Variants in SUCLG2 observed in about 807,000 individuals in gnomAD.
The protein encoded by SUCLG2 is succinate-CoA ligase GDP-forming subunit beta.
Under a neutral mutation model 47.9 loss-of-function variants are expected in SUCLG2, and 42 were observed. The ratio of observed to expected loss-of-function variants is 0.88; its 90% CI spans 0.69 to 1.14. The LOEUF (loss-of-function observed/expected upper bound fraction) is 1.14. SUCLG2 is among the 50% of genes most tolerant of loss of function. The pLI, the probability that SUCLG2 is intolerant of heterozygous loss-of-function variation, is 0.00. For missense variants in SUCLG2, 571 were observed against 525.9 expected (o/e 1.09, Z -0.84); for synonymous variants, 195 against 197.3 (o/e 0.99, Z 0.10).
intron 2 of SUCLG2, among the ~76,000 whole-genome samples, chr3:67,540,745 C>T (rs1283296401): frequency 6.6e-6 from 1 of 152,228 alleles, no homozygotes; most frequent in Non-Finnish European, 1.5e-5. Flanking sequence ...CCTGTGCCCC[C>T]TTACTGGGAG....
intron 2 of SUCLG2, among the ~76,000 whole-genome samples, chr3:67,598,806 C>A (rs1000884828): frequency 1.3e-5 from 2 of 152,162 alleles, no homozygotes; most frequent in Admixed American, 1.3e-4. Context: ...CCCACCAAAC[C>A]CATGAGTAGA....
intron 2 of SUCLG2, among the ~76,000 whole-genome samples, chr3:67,565,250 T>C (rs923717288): frequency 3.9e-5 from 6 of 152,176 alleles, no homozygotes; most frequent in African/African-American, 1.4e-4. Context: ...TCATAAACTA[T>C]TTGATTTAGT....
At chr3:67,419,732 T>A (rs1195205827) in intron 9 of SUCLG2, among the ~76,000 whole-genome samples, 1 of 152,126 alleles carries the variant, frequency 6.6e-6, no homozygotes, top group Non-Finnish European at 1.5e-5. Flanking sequence ...CTATTATGAT[T>A]TACAATGATT....
At chr3:67,461,806 A>C (rs1704344359) in intron 9 of SUCLG2, among the ~76,000 whole-genome samples, 1 of 152,090 alleles carries the variant, frequency 6.6e-6, no homozygotes, top group South Asian at 2.1e-4. Context: ...GATCTGGTCC[A>C]TCCCGCCCCA....
intron 10 of SUCLG2, among the ~76,000 whole-genome samples, chr3:67,398,533 G>C (rs1702605268): frequency 6.6e-6 from 1 of 151,912 alleles, no homozygotes; most frequent in Non-Finnish European, 1.5e-5. Context: ...AGGTGCTGGA[G>C]AGGATGTGGA....
chr3:67,419,395 A>C (rs1703103986), intron 9 of SUCLG2, among the ~76,000 whole-genome samples: 1 of 152,170 alleles, frequency 6.6e-6, no homozygotes, highest in Non-Finnish European at 1.5e-5. Flanking sequence ...TGGCTTACAA[A>C]CTACAGTGAA....
At chr3:67,529,980 A>G (rs1308527626) in intron 2 of SUCLG2, among the ~76,000 whole-genome samples, 1 of 152,232 alleles carries the variant, frequency 6.6e-6, no homozygotes, top group African/African-American at 2.4e-5. Flanking sequence ...CACCAAAACA[A>G]AACAAAACAA....
In SUCLG2 at chr3:67,438,854, AG is replaced by A. The variant is rs1341853651; in HGVS notation, c.1063-38004del. ...TCCTTCTGAAACTATTGCAAACAAT[AG>A]AAAAAGAGGGACTCCTCCCTAACTC... is the stretch of plus-strand genomic sequence containing the variant. On this transcript the variant is annotated intron_variant, in intron 9 of 10. Transcript: ENST00000307227. Among the ~76,000 whole-genome samples the A allele has an allele frequency of 2.0e-5, 3 of 152,226 alleles. 1 individual carries two copies. The highest frequency in any genetic ancestry group is 4.4e-5 in the Non-Finnish European group (3 of 68,034).
chr3:67,421,351 T>C (rs966640089), intron 9 of SUCLG2, among the ~76,000 whole-genome samples: 1 of 152,160 alleles, frequency 6.6e-6, no homozygotes, highest in Non-Finnish European at 1.5e-5. Context: ...CCTTTTTATA[T>C]TTCCCAAAAC....
intron 7 of SUCLG2, among the ~76,000 whole-genome samples, chr3:67,500,774 A>C (rs1559549298): frequency 6.6e-6 from 1 of 152,234 alleles, no homozygotes. Flanking sequence ...GAATGGGCTA[A>C]GGTTATCAAA....
intron 9 of SUCLG2, among the ~76,000 whole-genome samples, chr3:67,471,776 T>G (rs1704611687): frequency 6.6e-6 from 1 of 152,142 alleles, no homozygotes; most frequent in Non-Finnish European, 1.5e-5. Flanking sequence ...TCTGGATCTC[T>G]TAACCAAACC....
intron 6 of SUCLG2, among the ~76,000 whole-genome samples, chr3:67,514,777 A>G (rs768512500): frequency 2.0e-5 from 3 of 152,208 alleles, no homozygotes; most frequent in Non-Finnish European, 2.9e-5. Context: ...ACACAGCACT[A>G]AAGTCACTGA....
intron 1 of SUCLG2, among the ~76,000 whole-genome samples, chr3:67,620,561 G>T (rs1700716703): frequency 1.6e-5 from 2 of 125,618 alleles, no homozygotes; most frequent in Non-Finnish European, 3.2e-5. Flanking sequence ...CTCCAGCCTG[G>T]GTGACACAGT....
chr3:67,588,282 C>T (rs780350869), intron 2 of SUCLG2, among the ~76,000 whole-genome samples: 3 of 152,140 alleles, frequency 2.0e-5, no homozygotes, highest in Non-Finnish European at 4.4e-5. Flanking sequence ...AAGTCCTTTG[C>T]TATCAAAAAA....
At chr3:67,593,510 T>A (rs1045688547) in intron 2 of SUCLG2, among the ~76,000 whole-genome samples, 3 of 152,150 alleles carry the variant, frequency 2.0e-5, no homozygotes, top group Non-Finnish European at 4.4e-5. Flanking sequence ...GAGCTGTCCA[T>A]CCAAAACACA....
intron 1 of SUCLG2, among the ~76,000 whole-genome samples, chr3:67,649,032 C>T (rs1035774417): frequency 1.3e-5 from 2 of 152,128 alleles, no homozygotes; most frequent in African/African-American, 4.8e-5. Context: ...AAGAACAAAG[C>T]AGATAAGGGT....
At chr3:67,471,978 G>A (rs985111304) in intron 9 of SUCLG2, among the ~76,000 whole-genome samples, 1 of 148,294 alleles carries the variant, frequency 6.7e-6, no homozygotes, top group African/African-American at 2.5e-5. Flanking sequence ...CCTATGTTTA[G>A]AGTCCTTAAT....
intron 10 of SUCLG2, among the ~76,000 whole-genome samples, chr3:67,393,740 T>A (rs112210906): frequency 0.072 from 10,969 of 152,256 alleles, 402 homozygotes; most frequent in Middle Eastern, 0.14. Flanking sequence ...CCCTGACCCC[T>A]GACCCCTGAG....
intron 10 of SUCLG2, among the ~76,000 whole-genome samples, chr3:67,384,159 G>A (rs566480890): frequency 2.0e-5 from 3 of 152,254 alleles, no homozygotes; most frequent in Admixed American, 6.5e-5. Flanking sequence ...TGACTGAGTG[G>A]ACCTCATTGC....
Sources: gnomAD v4.1 joint callset for allele counts (sites outside exome capture counted in the v4.1 genomes callset) on GRCh38, gnomAD v4.1.1 for gene constraint, MANE v1.5 for transcripts, NCBI Gene and HGNC (gene_info 2026-07-23, HGNC 2026-07-21) for gene names.